Variants in EFNA2 observed in about 807,000 individuals in gnomAD.
EFNA2 encodes ephrin A2.
A neutral mutation model predicts 19.7 loss-of-function variants in EFNA2; 18 were observed. The ratio of observed to expected loss-of-function variants is 0.91; its 90% CI spans 0.63 to 1.35. The LOEUF is 1.35. Ranked by LOEUF, EFNA2 falls within the 40% of genes most tolerant of loss-of-function variation. The pLI, the probability that EFNA2 is intolerant of heterozygous loss-of-function variation, is 0.00. For missense variants in EFNA2, 303 were observed against 296.0 expected (o/e 1.02, Z -0.17); for synonymous variants, 187 against 137.8 (o/e 1.36, Z -2.50).
chr19:1,299,517 C>G (rs1352569287), intron 3 of EFNA2, among the ~76,000 whole-genome samples: 5 of 151,020 alleles, frequency 3.3e-5, no homozygotes, highest in Non-Finnish European at 7.4e-5. Flanking sequence ...GATTGCGCCA[C>G]TGCACGCCAG....
Position 1,299,993 on chromosome 19 carries a change from C to T in EFNA2, c.*48C>T. The T allele has an allele frequency of 6.4e-7, 1 of 1,557,570 alleles. No individual in the cohort carries two copies. Among genetic ancestry groups the T allele is most frequent in the South Asian group, 1.2e-5 (1 of 86,308 alleles). On this transcript the variant is annotated 3_prime_UTR_variant, in exon 4 of 4. Coordinates refer to ENST00000215368, the MANE Select transcript of EFNA2 (RefSeq NM_001405.4). ...CCCTGCCTGGACGGCCCCGCCTGGACCGCCTGACCTCGGCCCTCCGGACCC... is the reference window on the plus strand; with the variant it reads ...CCCTGCCTGGACGGCCCCGCCTGGATCGCCTGACCTCGGCCCTCCGGACCC...
intron 3 of EFNA2, 97 bp from the exon 4 acceptor site, chr19:1,299,727 G>C (rs903102833): frequency 6.9e-7 from 1 of 1,446,718 alleles, no homozygotes; most frequent in East Asian, 2.6e-5. Context: ...GGGGTGATGA[G>C]CCCGTTGGGC....
intron 3 of EFNA2, among the ~76,000 whole-genome samples, chr19:1,299,281 G>C (rs1357123059): frequency 6.6e-6 from 1 of 151,824 alleles, no homozygotes; most frequent in East Asian, 1.9e-4. Flanking sequence ...CAGAGTGGCC[G>C]GGCACGGTGG....
rs1462022004 is a variant in EFNA2 at position 1,287,264 on chromosome 19, G to T, written c.140+956G>T. ...GGAGCAGGCTGCAGCTTCCCTGGGG[G>T]TCCCGTGGGAGCCGGGGCTTTGGGG... On this transcript the variant is annotated intron_variant, in intron 1 of 3. Coordinates refer to ENST00000215368, the MANE Select transcript of EFNA2 (RefSeq NM_001405.4). The surrounding 1 kb of genome is among the most constrained non-coding windows in gnomAD (Gnocchi z 6.2). Among the ~76,000 whole-genome samples the T allele has an allele frequency of 6.6e-6, 1 of 152,168 alleles. No individual in the cohort carries two copies. The highest frequency in any genetic ancestry group is 1.5e-5 in the Non-Finnish European group (1 of 68,024).
intron 1 of EFNA2, among the ~76,000 whole-genome samples, chr19:1,289,138 C>T (rs1600055160): frequency 2.0e-5 from 3 of 152,334 alleles, no homozygotes; most frequent in Non-Finnish European, 2.9e-5. Context: ...CAGGAGGCTG[C>T]GTGAATCCAC....
chr19:1,298,597 GGTGTACGTGCGGCCGACCA>G lies in EFNA2; in HGVS notation c.504_520+2del. The G allele has an allele frequency of 6.2e-7, 1 of 1,614,032 alleles. No homozygotes were observed. The highest frequency in any genetic ancestry group is 8.5e-7 in the Non-Finnish European group (1 of 1,179,988). On this transcript the variant is annotated frameshift_variant and splice_region_variant, in exon 3 of 4. Transcript: ENST00000215368. LOFTEE classifies it high-confidence loss of function. Reference sequence around the variant, plus strand: ...TGGACCGGCCCTGCCTGCGACTGAAGGTGTACGTGCGGCCGACCAGTAAGTGCTCAGGGGGATGGGCAGG... The same window carrying G: ...TGGACCGGCCCTGCCTGCGACTGAAGGTAAGTGCTCAGGGGGATGGGCAGG...
rs1462787232 is a variant in EFNA2, at chr19:1,296,000, G to C, written c.454+142G>C. ...GGGCGGGGCCGCGGTGTGGGGCCAG[G>C]GGGGAGTGGGCGGGGCCGCGGAATG... On this transcript the variant is annotated intron_variant, in intron 2 of 3. Transcript: ENST00000215368. The surrounding 1 kb of genome is among the most constrained non-coding windows in gnomAD (Gnocchi z 5.8). 1 of 662,036 alleles carries C rather than the reference G, an allele frequency of 1.5e-6. No homozygotes were observed. The highest frequency in any genetic ancestry group is 3.7e-5 in the East Asian group (1 of 26,812). The allele number at this position is 662,036 out of a possible 1,614,324, so 41.0% of individuals were successfully genotyped here.
Position 1,301,113 on chromosome 19 carries a change from C to T in EFNA2, c.*1168C>T, listed in dbSNP as rs1232885543. Reference sequence around the variant, plus strand: ...AAGGACAAAAGGGAGGGAACCACTACCAAAAAAAAAAAAAGAAACTCCTCC... The same window carrying T: ...AAGGACAAAAGGGAGGGAACCACTATCAAAAAAAAAAAAAGAAACTCCTCC... On this transcript the variant is annotated 3_prime_UTR_variant, in exon 4 of 4. Transcript: ENST00000215368. Among the ~76,000 whole-genome samples the T allele has an allele frequency of 5.3e-4, 17 of 32,036 alleles. No individual in the cohort carries two copies. The highest frequency in any genetic ancestry group is 2.0e-4 in the Non-Finnish European group (4 of 19,684). The allele number at this position is 32,036 out of a possible 152,430, so 21.0% of individuals were successfully genotyped here.
rs1314999902 is a variant in EFNA2 at position 1,286,024 on chromosome 19, G to A, written c.-145G>A. ...CGAGGTCGCGCGCGCGGAGGCGGGGGCGGCCCGGGATCTCCAAGCGCCGCC... is the reference window on the plus strand; with the variant it reads ...CGAGGTCGCGCGCGCGGAGGCGGGGACGGCCCGGGATCTCCAAGCGCCGCC... On this transcript the variant is annotated 5_prime_UTR_variant, in exon 1 of 4. Coordinates refer to ENST00000215368, the MANE Select transcript of EFNA2 (RefSeq NM_001405.4). The surrounding 1 kb of genome is among the most constrained non-coding windows in gnomAD (Gnocchi z 5.6). 3.7e-5 allele frequency: 6 copies of A among 160,632 alleles called. No individual in the cohort carries two copies. Among genetic ancestry groups the A allele is most frequent in the Non-Finnish European group, 6.3e-5 (5 of 79,394 alleles). The allele number at this position is 160,632 out of a possible 1,614,324, so 10.0% of individuals were successfully genotyped here. A position where few individuals can be genotyped will look rare whatever the true frequency, so the allele number is the denominator to read the frequency against.
rs539757008 is a variant in EFNA2 at position 1,296,103 on chromosome 19, C to T, written c.454+245C>T. Among the ~76,000 whole-genome samples the T allele has an allele frequency of 3.8e-3, 574 of 152,354 alleles. 2 individuals are homozygous for T. The highest frequency in any genetic ancestry group is 6.1e-3 in the Admixed American group (93 of 15,310). On this transcript the variant is annotated intron_variant, in intron 2 of 3. Coordinates refer to ENST00000215368, the MANE Select transcript of EFNA2 (RefSeq NM_001405.4). This position sits in a 1 kb window ranked among gnomAD's most constrained non-coding sequence, Gnocchi z 4.4. ...CCACTGACCCACCCCGGTCACTGAC[C>T]CCCTCCAGATGTCAAGTGCATGATG... is the stretch of plus-strand genomic sequence containing the variant.
upstream of EFNA2, among the ~76,000 whole-genome samples, chr19:1,284,964 C>T (rs1225847726): frequency 6.6e-6 from 1 of 152,250 alleles, no homozygotes; most frequent in African/African-American, 2.4e-5. The surrounding 1 kb of genome is among the most constrained non-coding windows in gnomAD (Gnocchi z 5.3). Context: ...AAACAGAGGG[C>T]AGGCCAGGTG....
In EFNA2 at chr19:1,299,864, CAA is replaced by C; in HGVS notation, c.562_563del (p.Asn188Ter). 6.2e-7 allele frequency: 1 copy of C among 1,605,206 alleles called. No individual in the cohort carries two copies. The highest frequency in any genetic ancestry group is 8.5e-7 in the Non-Finnish European group (1 of 1,178,192). ...AGGCTCCTGAGCCCATCTTCACCAG[CAA>C]TAACTCGTGTAGCAGCCCGGGCGGC... Reference protein sequence around the residue: ...YEAPEPIFTSNNSCSSPGGCR... With the variant: ...YEAPEPIFTSXNSCSSPGGCR... On this transcript the variant is annotated frameshift_variant, in exon 4 of 4. Coordinates refer to ENST00000215368, the MANE Select transcript of EFNA2 (RefSeq NM_001405.4). LOFTEE classifies it high-confidence loss of function.
upstream of EFNA2, among the ~76,000 whole-genome samples, chr19:1,285,537 CG>C: frequency 6.6e-6 from 1 of 152,232 alleles, no homozygotes; most frequent in East Asian, 1.9e-4. This position sits in a 1 kb window ranked among gnomAD's most constrained non-coding sequence, Gnocchi z 4.1. Flanking sequence ...CGATTTGGGA[CG>C]CGTGCGTCGG....
At chr19:1,284,797 G>A (rs1011594753), upstream of EFNA2, among the ~76,000 whole-genome samples, 4 of 152,240 alleles carry the variant, frequency 2.6e-5, no homozygotes, top group African/African-American at 9.6e-5. The surrounding 1 kb of genome is among the most constrained non-coding windows in gnomAD (Gnocchi z 5.3). Flanking sequence ...TTGCCCTGCA[G>A]TTCCCTCTCC....
In EFNA2 at chr19:1,288,631, C is replaced by T. The variant is rs377513654; in HGVS notation, c.140+2323C>T. 3.3e-5 allele frequency among the ~76,000 whole-genome samples: 5 copies of T among 152,182 alleles called. No homozygotes were observed. The East Asian group carries it at 5.8e-4, about 18-fold the overall frequency. On this transcript the variant is annotated intron_variant, in intron 1 of 3. Transcript: ENST00000215368. ...CGGGCAGTGCCGCAGCGTCGCCGGC[C>T]GCCCCTTCCGCCCATTGGCCTGGCA...
intron 1 of EFNA2, among the ~76,000 whole-genome samples, chr19:1,292,936 G>T (rs1448821497): frequency 1.3e-5 from 2 of 152,194 alleles, no homozygotes; most frequent in African/African-American, 4.8e-5. Context: ...TGTCAGACGT[G>T]GGGGAAGGAG....
rs755601165 is a variant in EFNA2 at position 1,298,631 on chromosome 19, G to T, written c.520+15G>T. 8.1e-6 allele frequency: 13 copies of T among 1,613,260 alleles called. No individual in the cohort carries two copies. The highest frequency in any genetic ancestry group is 1.0e-5 in the Non-Finnish European group (12 of 1,179,726). ...GCGGCCGACCAGTAAGTGCTCAGGG[G>T]GATGGGCAGGATCCAGGCCCCCACC... On this transcript the variant is annotated intron_variant, in intron 3 of 3. Coordinates refer to ENST00000215368, the MANE Select transcript of EFNA2 (RefSeq NM_001405.4).
In EFNA2 at chr19:1,299,912, C is replaced by A; in HGVS notation, c.609C>A (p.Thr203=). 15 of 1,604,980 alleles carry A rather than the reference C, an allele frequency of 9.3e-6. No homozygotes were observed. The highest frequency in any genetic ancestry group is 1.3e-5 in the Non-Finnish European group (15 of 1,179,026). Residue 203 remains threonine, a synonymous_variant, in exon 4 of 4, where the codon ACC becomes ACA. Coordinates refer to ENST00000215368, the MANE Select transcript of EFNA2 (RefSeq NM_001405.4). ...SPGGCRLFLS[T]IPVLWTLLGS The stretch of plus-strand genomic sequence containing the variant: ...GCGGCTGCCGCCTCTTCCTCAGCAC[C>A]ATCCCCGTGCTCTGGACCCTCCTGG...
Position 1,296,294 on chromosome 19 carries a change from C to T in EFNA2, c.454+436C>T, listed in dbSNP as rs887683751. Among the ~76,000 whole-genome samples, 3 of 152,140 alleles carry T rather than the reference C, an allele frequency of 2.0e-5. No individual in the cohort carries two copies. The East Asian group carries it at 5.8e-4, about 29-fold the overall frequency. ...GGCCAGTAGACCTGGCTCAGCCCCC[C>T]GATAGCGAGACCAGGGTGCCCGAGC... On this transcript the variant is annotated intron_variant, in intron 2 of 3. Coordinates refer to ENST00000215368, the MANE Select transcript of EFNA2 (RefSeq NM_001405.4). This position sits in a 1 kb window ranked among gnomAD's most constrained non-coding sequence, Gnocchi z 4.4.
Sources: gnomAD v4.1 joint callset for allele counts (sites outside exome capture counted in the v4.1 genomes callset) on GRCh38, gnomAD v4.1.1 for gene constraint, Gnocchi (gnomAD v3.1) non-coding constraint, MANE v1.5 for transcripts, NCBI Gene and HGNC (gene_info 2026-07-23, HGNC 2026-07-21) for gene names.